SERPINB12: variants seen among roughly 807,000 people sequenced by gnomAD.
SERPINB12 encodes the protein serpin family B member 12, also known as serpin B12.
A neutral mutation model predicts 41.1 loss-of-function variants in SERPINB12; 57 were observed. The ratio of observed to expected loss-of-function variants is 1.39; its 90% CI spans 1.12 to 1.73. The LOEUF is 1.73. Among genes scored for constraint, SERPINB12 ranks in the 40% most tolerant of loss-of-function variants. SERPINB12 has a pLI of 0.00. For synonymous variants in SERPINB12, 180 were observed against 181.3 expected (o/e 0.99, Z 0.06); for missense variants, 536 against 501.9 (o/e 1.07, Z -0.65).
upstream of SERPINB12, among the ~76,000 whole-genome samples, chr18:63,541,184 A>G (rs1568122947): frequency 6.6e-6 from 1 of 152,144 alleles, no homozygotes; most frequent in Non-Finnish European, 1.5e-5. Flanking sequence ...ATGGGAACCC[A>G]ATTTCATGCT....
intron 4 of SERPINB12, 50 bp from the exon 5 acceptor site, chr18:63,561,035 A>G (rs1349259648): frequency 8.2e-7 from 1 of 1,213,314 alleles, no homozygotes; most frequent in Non-Finnish European, 1.2e-6. Context: ...AACTACGAGC[A>G]TCACTGCCTG....
At chr18:63,542,912 G>A (rs541248908) in intron 1 of SERPINB12, among the ~76,000 whole-genome samples, 1 of 152,216 alleles carries the variant, frequency 6.6e-6, no homozygotes, top group South Asian at 2.1e-4. Context: ...CTGTTCCTGT[G>A]TTAGTTCCCT....
At position 63,548,855 on chromosome 18, in the gene SERPINB12, C is replaced by T. The variant is rs193023103; in HGVS notation, c.-19+6363C>T. On this transcript the variant is annotated intron_variant, in intron 1 of 7. Transcript: ENST00000382768. ...TAGCAGTTTCATCTGTAACTTTTGG[C>T]TGACAGTATGAAAGTTAAAAATCTT... Among the ~76,000 whole-genome samples the T allele has an allele frequency of 3.3e-5, 5 of 152,016 alleles. No individual in the cohort carries two copies. In the East Asian group the frequency reaches 7.7e-4, roughly 23 times the overall value.
Position 63,567,150 on chromosome 18 carries a change from T to C in SERPINB12, c.*139T>C. ...TCCAGCCATCGGCTTGTGCTTATCT[T>C]GATCTTTCTGTCACCCTGTAGCTTA... On this transcript the variant is annotated 3_prime_UTR_variant, in exon 8 of 8. Transcript: ENST00000382768. 2 of 802,040 alleles carry C rather than the reference T, an allele frequency of 2.5e-6. No individual in the cohort carries two copies. The highest frequency in any genetic ancestry group is 3.9e-5 in the South Asian group (2 of 51,006). The allele number at this position is 802,040 out of a possible 1,614,324, so 49.7% of individuals were successfully genotyped here.
At chr18:63,524,139 A>G in the SERPINB12 span, among the ~76,000 whole-genome samples, 8 of 152,108 alleles carry the variant, frequency 5.3e-5, no homozygotes, top group African/African-American at 1.9e-4. Context: ...TTTTTGCTAG[A>G]AAAGATCAAC....
the SERPINB12 span, among the ~76,000 whole-genome samples, chr18:63,523,478 G>GT: frequency 1.3e-5 from 2 of 152,300 alleles, no homozygotes; most frequent in Non-Finnish European, 2.9e-5. Flanking sequence ...TGATGAAAAG[G>GT]TGCTTGAATT....
chr18:63,524,683 T>A, the SERPINB12 span, among the ~76,000 whole-genome samples: 7 of 152,228 alleles, frequency 4.6e-5, no homozygotes, highest in East Asian at 1.4e-3. Flanking sequence ...TGTAGTTTTG[T>A]GCTATACTTC....
chr18:63,538,611 T>C (rs1183614581), upstream of SERPINB12, among the ~76,000 whole-genome samples: 1 of 152,204 alleles, frequency 6.6e-6, no homozygotes, highest in Non-Finnish European at 1.5e-5. Context: ...ATTTGAGTTG[T>C]TTTTTCTTTT....
chr18:63,533,327 G>A, the SERPINB12 span, among the ~76,000 whole-genome samples: 1 of 152,172 alleles, frequency 6.6e-6, no homozygotes, highest in African/African-American at 2.4e-5. Context: ...TTGGGAATGT[G>A]TAAGAAGGTT....
the SERPINB12 span, among the ~76,000 whole-genome samples, chr18:63,531,900 C>T: frequency 6.6e-6 from 1 of 152,126 alleles, no homozygotes; most frequent in East Asian, 1.9e-4. Context: ...TGACTTGAGC[C>T]CCTCTAGCCA....
At chr18:63,558,061 T>C (rs1037344509) in intron 2 of SERPINB12, among the ~76,000 whole-genome samples, 3 of 152,178 alleles carry the variant, frequency 2.0e-5, no homozygotes, top group African/African-American at 7.2e-5. Flanking sequence ...TCAATTCAGA[T>C]TGGGTATCTA....
In SERPINB12 at chr18:63,566,949, T is replaced by A. The variant is rs1568133991; in HGVS notation, c.1216T>A (p.Phe406Ile). Reference protein sequence around the residue: ...VEFNANHPFLFFIRHNKTQTI... With the variant: ...VEFNANHPFLIFIRHNKTQTI... ...GTTTAATGCCAACCACCCTTTTCTC[T>A]TTTTCATTAGACACAACAAAACCCA... Residue 406 changes from phenylalanine to isoleucine, a missense_variant, in exon 8 of 8, where the codon TTT (phenylalanine) becomes ATT (isoleucine). Coordinates refer to ENST00000382768, the MANE Select transcript of SERPINB12 (RefSeq NM_001307928.2). The A allele has an allele frequency of 6.2e-7, 1 of 1,613,304 alleles. No individual in the cohort carries two copies. Among genetic ancestry groups the A allele is most frequent in the Non-Finnish European group, 8.5e-7 (1 of 1,179,766 alleles).
At chr18:63,552,301 T>G (rs1599416929) in intron 1 of SERPINB12, among the ~76,000 whole-genome samples, 1 of 152,344 alleles carries the variant, frequency 6.6e-6, no homozygotes, top group East Asian at 1.9e-4. Context: ...ATAAACTCAT[T>G]TCTATGGAAA....
intron 1 of SERPINB12, among the ~76,000 whole-genome samples, chr18:63,544,462 G>A (rs559434196): frequency 1.3e-5 from 2 of 152,278 alleles, no homozygotes; most frequent in South Asian, 2.1e-4. Flanking sequence ...TTAAGGGCGA[G>A]AAAATTGAAG....
At chr18:63,520,319 G>A in the SERPINB12 span, among the ~76,000 whole-genome samples, 2 of 152,162 alleles carry the variant, frequency 1.3e-5, no homozygotes, top group Non-Finnish European at 2.9e-5. Context: ...GGATGATGAC[G>A]ATTTCTCAGG....
In SERPINB12 at chr18:63,551,263, C is replaced by A. The variant is rs192068653; in HGVS notation, c.-18-4879C>A. On this transcript the variant is annotated intron_variant, in intron 1 of 7. Coordinates refer to ENST00000382768, the MANE Select transcript of SERPINB12 (RefSeq NM_001307928.2). ...CAACCTGGGCGACAGAGCGAGACTC[C>A]ATCTCAAACAAACAAACAAAGAAAC... Among the ~76,000 whole-genome samples the A allele has an allele frequency of 5.9e-5, 9 of 151,828 alleles. No individual in the cohort carries two copies. The East Asian group carries it at 1.6e-3, about 26-fold the overall frequency.
intron 3 of SERPINB12, among the ~76,000 whole-genome samples, chr18:63,558,826 C>T (rs1910769349): frequency 6.6e-6 from 1 of 152,166 alleles, no homozygotes; most frequent in Non-Finnish European, 1.5e-5. Context: ...GGAATTCTTA[C>T]TGTCTCCCTC....
chr18:63,538,965 G>A (rs557454365), upstream of SERPINB12, among the ~76,000 whole-genome samples: 81 of 152,208 alleles, frequency 5.3e-4, no homozygotes, highest in African/African-American at 1.9e-3. Context: ...TTTAAAAATG[G>A]TGGCTGGGAG....
the SERPINB12 span, among the ~76,000 whole-genome samples, chr18:63,522,413 A>G: frequency 3.6e-4 from 55 of 152,320 alleles, no homozygotes; most frequent in African/African-American, 1.3e-3. Flanking sequence ...AAATGTTTCC[A>G]CTTTTGTTCA....
Sources: allele counts gnomAD v4.1 joint callset (sites outside exome capture counted in the v4.1 genomes callset), GRCh38; gene constraint gnomAD v4.1.1; transcripts MANE v1.5; gene names NCBI Gene and HGNC (gene_info 2026-07-23, HGNC 2026-07-21).